MKLN1: variants seen among roughly 807,000 people sequenced by gnomAD.
MKLN1 encodes muskelin 1, also known as muskelin.
In MKLN1, 18 loss-of-function variants were observed where a neutral mutation model predicts 99.0. That is an observed-to-expected ratio of 0.18 (90% CI 0.13 to 0.27). MKLN1 has a LOEUF of 0.27. Ranked by LOEUF, MKLN1 falls within the 10% of genes least tolerant of loss-of-function variation. The pLI, the probability that MKLN1 is intolerant of heterozygous loss-of-function variation, is 1.00. For missense variants in MKLN1, 621 were observed against 875.9 expected (o/e 0.71, Z 3.67); for synonymous variants, 288 against 293.2 (o/e 0.98, Z 0.18).
At chr7:131,428,006 A>AC (rs1289381105) in intron 8 of MKLN1, among the ~76,000 whole-genome samples, 6 of 150,572 alleles carry the variant, frequency 4.0e-5, no homozygotes, top group East Asian at 3.9e-4. Context: ...TGTAACCCCC[A>AC]CCCCCCCAAA....
At chr7:131,303,853 C>T (rs1008842868) in intron 3 of MKLN1, among the ~76,000 whole-genome samples, 3 of 152,122 alleles carry the variant, frequency 2.0e-5, no homozygotes, top group Non-Finnish European at 2.9e-5. Context: ...TCTATATTTA[C>T]GGACCAAAAA....
Position 131,399,302 on chromosome 7 carries a change from A to C in MKLN1, c.572A>C (p.Glu191Ala). 1 of 1,614,038 alleles carries C rather than the reference A, an allele frequency of 6.2e-7. No individual in the cohort carries two copies. Among genetic ancestry groups the C allele is most frequent in the Non-Finnish European group, 8.5e-7 (1 of 1,179,936 alleles). The change falls in exon 6 of 18, where the codon GAA (glutamate) becomes GCA (alanine). Residue 191 changes from glutamate (E) to alanine (A), a missense_variant. Glu to Ala is a moderately radical substitution (Grantham distance 107). Transcript: ENST00000352689. ...LKHFRQHNYT[E>A]AFESLQKKTK... ...CACTTCAGACAACACAACTATACAG[A>C]AGCTTTTGAGTCACTGCAAAAGAAA...
chr7:131,399,365 T>C lies in MKLN1; in HGVS notation c.635T>C (p.Ile212Thr). The change falls in exon 6 of 18, where the codon ATT becomes ACT. Residue 212 changes from isoleucine to threonine, a missense_variant. Ile to Thr is a moderately conservative substitution (Grantham distance 89). Coordinates refer to ENST00000352689, the MANE Select transcript of MKLN1 (RefSeq NM_013255.5). Reference sequence around the variant, plus strand: ...CTGGAACATCCCATGTTAACAGATATTCATGACAAGCTGGTGTTGAAGGGT... The same window carrying C: ...CTGGAACATCCCATGTTAACAGATACTCATGACAAGCTGGTGTTGAAGGGT... ...IALEHPMLTD[I>T]HDKLVLKGDF... 6.8e-6 allele frequency: 11 copies of C among 1,614,038 alleles called. No individual in the cohort carries two copies. The highest frequency in any genetic ancestry group is 9.3e-6 in the Non-Finnish European group (11 of 1,179,944).
chr7:131,403,888 G>A (rs1563331608), intron 6 of MKLN1, among the ~76,000 whole-genome samples: 1 of 152,150 alleles, frequency 6.6e-6, no homozygotes, highest in Non-Finnish European at 1.5e-5. Flanking sequence ...AGACACAAGT[G>A]AAGAAATTCT....
Position 131,169,115 on chromosome 7 carries a change from T to C in MKLN1, c.-297+26174T>C, listed in dbSNP as rs138179177. On this transcript the variant is annotated intron_variant, in intron 2 of 7. Transcript: ENST00000416992. Reference sequence around the variant, plus strand: ...TCATGACCTCAGTGATCTGCCCTCCTTGGCCTCCCAAAGTGCTGGGATTAC... The same window carrying C: ...TCATGACCTCAGTGATCTGCCCTCCCTGGCCTCCCAAAGTGCTGGGATTAC... Among the ~76,000 whole-genome samples the C allele has an allele frequency of 3.4e-3, 513 of 152,316 alleles. 5 individuals carry two copies. Among genetic ancestry groups the C allele is most frequent in the African/African-American group, 0.012 (490 of 41,580 alleles).
intron 3 of MKLN1, among the ~76,000 whole-genome samples, chr7:131,267,849 A>G (rs1433042373): frequency 6.6e-6 from 1 of 152,222 alleles, no homozygotes; most frequent in Non-Finnish European, 1.5e-5. Context: ...CAAACACCCA[A>G]AGACTTCATT....
At chr7:131,382,226 G>A (rs931898689) in intron 2 of MKLN1, among the ~76,000 whole-genome samples, 1 of 151,978 alleles carries the variant, frequency 6.6e-6, no homozygotes, top group Non-Finnish European at 1.5e-5. Flanking sequence ...TTAGCCAGGC[G>A]TGGTGGCTCA....
At chr7:131,474,732 T>A (rs1421750985) in intron 16 of MKLN1, among the ~76,000 whole-genome samples, 1 of 152,114 alleles carries the variant, frequency 6.6e-6, no homozygotes, top group African/African-American at 2.4e-5. Flanking sequence ...GTAAATAAAT[T>A]GATAAACCCC....
At chr7:131,423,589 C>T (rs1038766891) in intron 8 of MKLN1, among the ~76,000 whole-genome samples, 1 of 152,210 alleles carries the variant, frequency 6.6e-6, no homozygotes, top group East Asian at 1.9e-4. Flanking sequence ...GCCTCGGCCT[C>T]CCAAAGTGCT....
At chr7:131,353,766 T>A (rs963802871) in intron 1 of MKLN1, among the ~76,000 whole-genome samples, 1 of 151,886 alleles carries the variant, frequency 6.6e-6, no homozygotes, top group Non-Finnish European at 1.5e-5. Flanking sequence ...ACATTTTCAT[T>A]CATGATTCAT....
chr7:131,399,484 C>T (rs1563329266), intron 6 of MKLN1, 51 bp downstream of exon 6: 6 of 1,482,020 alleles, frequency 4.0e-6, no homozygotes, highest in Non-Finnish European at 5.5e-6. Flanking sequence ...ATACGGGAAA[C>T]TTTTTCTCAA....
At chr7:131,137,488 A>G (rs1795665932) in intron 1 of MKLN1, among the ~76,000 whole-genome samples, 1 of 152,158 alleles carries the variant, frequency 6.6e-6, no homozygotes, top group Admixed American at 6.5e-5. Flanking sequence ...TGAACATCAG[A>G]GTTGGGTAGT....
At chr7:131,284,687 C>G (rs543731065) in intron 3 of MKLN1, among the ~76,000 whole-genome samples, 1 of 152,220 alleles carries the variant, frequency 6.6e-6, no homozygotes, top group Non-Finnish European at 1.5e-5. Context: ...TTCCCTCTCA[C>G]CAGGTGTGTG....
intron 3 of MKLN1, among the ~76,000 whole-genome samples, chr7:131,224,699 C>A (rs898367961): frequency 6.6e-6 from 1 of 151,262 alleles, no homozygotes; most frequent in South Asian, 2.1e-4. Flanking sequence ...CATGCCACTG[C>A]GTGACAGAGT....
At chr7:131,362,906 A>G (rs187757004) in intron 1 of MKLN1, among the ~76,000 whole-genome samples, 38 of 151,982 alleles carry the variant, frequency 2.5e-4, no homozygotes, top group South Asian at 1.0e-3. Flanking sequence ...TGGCCATACT[A>G]TTTTTGAGCT....
chr7:131,168,770 G>A (rs762057052), intron 2 of MKLN1, among the ~76,000 whole-genome samples: 6 of 151,862 alleles, frequency 4.0e-5, no homozygotes, highest in East Asian at 1.9e-4. Flanking sequence ...TAAGTATTAC[G>A]TTTTAGTGAT....
At chr7:131,283,486 G>T in intron 3 of MKLN1, among the ~76,000 whole-genome samples, 1 of 147,254 alleles carries the variant, frequency 6.8e-6, no homozygotes, top group East Asian at 2.0e-4. Context: ...ACAGGCTGGA[G>T]TACACTGGTG....
At chr7:131,359,890 C>A (rs952585493) in intron 1 of MKLN1, among the ~76,000 whole-genome samples, 1 of 152,006 alleles carries the variant, frequency 6.6e-6, no homozygotes, top group African/African-American at 2.4e-5. Context: ...TGCACCACCA[C>A]GCCTAGCTAA....
intron 2 of MKLN1, among the ~76,000 whole-genome samples, chr7:131,188,688 A>T (rs888367492): frequency 6.6e-6 from 1 of 152,256 alleles, no homozygotes; most frequent in African/African-American, 2.4e-5. Flanking sequence ...AACAGACTCC[A>T]GCTCTTGATG....
Sources: gnomAD v4.1 joint callset for allele counts (sites outside exome capture counted in the v4.1 genomes callset) on GRCh38, gnomAD v4.1.1 for gene constraint, MANE v1.5 for transcripts, NCBI Gene and HGNC (gene_info 2026-07-23, HGNC 2026-07-21) for gene names.